Variants in PTPRN2 observed in about 807,000 individuals in gnomAD.
The protein encoded by PTPRN2 is receptor-type tyrosine-protein phosphatase N2.
Under a neutral mutation model 118.8 loss-of-function variants are expected in PTPRN2, and 74 were observed. The ratio of observed to expected loss-of-function variants is 0.62; its 90% confidence interval spans 0.52 to 0.76. The LOEUF is 0.76. Ranked by LOEUF, PTPRN2 falls within the 30% of genes least tolerant of loss-of-function variation. The probability of loss-of-function intolerance (pLI) is 0.00; values close to 1 mark genes in which losing one functional copy is unlikely to be tolerated. For synonymous variants in PTPRN2, 641 were observed against 608.0 expected (o/e 1.05, Z -0.80); for missense variants, 1,481 against 1,394.4 (o/e 1.06, Z -0.99).
In PTPRN2 at chr7:157,787,689, C is replaced by T. The variant is rs188243930; in HGVS notation, c.1789-104752G>A. On this transcript the variant is annotated intron_variant, in intron 12 of 22. Coordinates refer to ENST00000389418, the MANE Select transcript of PTPRN2 (RefSeq NM_002847.5). This position sits in a 1 kb window ranked among gnomAD's most constrained non-coding sequence, Gnocchi z 5.3. ...CCCTGAACACCTGCTCTGTGGGAGA[C>T]GGGGTGGTGTTTGAGCTGGTGCCAT... Among the ~76,000 whole-genome samples, 150 of 152,248 alleles carry T rather than the reference C, an allele frequency of 9.9e-4. 2 individuals carry two copies. The highest frequency in any genetic ancestry group is 7.1e-3 in the Admixed American group (108 of 15,302).
At chr7:157,768,970 T>C (rs1438543903) in intron 12 of PTPRN2, among the ~76,000 whole-genome samples, 1 of 152,186 alleles carries the variant, frequency 6.6e-6, no homozygotes, top group Non-Finnish European at 1.5e-5. Flanking sequence ...AACACATAAT[T>C]ACTGTCACCG....
intron 1 of PTPRN2, among the ~76,000 whole-genome samples, chr7:158,569,436 C>T (rs1305749516): frequency 2.0e-5 from 3 of 152,274 alleles, no homozygotes; most frequent in East Asian, 3.9e-4. Context: ...GGACGAGACT[C>T]CCTGACACCC....
intron 10 of PTPRN2, among the ~76,000 whole-genome samples, chr7:158,094,561 CCTCCCAAACTGCT>C (rs1412823754): frequency 2.0e-5 from 3 of 152,186 alleles, no homozygotes; most frequent in African/African-American, 7.2e-5. Context: ...CCCACCTCGG[CCTCCCAAACTGCT>C]GGGATTACAG....
chr7:157,930,165 G>A lies in PTPRN2; in HGVS notation c.1724-31428C>T, dbSNP rs193161430. 4.9e-3 allele frequency among the ~76,000 whole-genome samples: 741 copies of A among 152,316 alleles called. 7 individuals carry two copies. The highest frequency in any genetic ancestry group is 0.017 in the African/African-American group (716 of 41,564). On this transcript the variant is annotated intron_variant, in intron 11 of 22. Coordinates refer to ENST00000389418, the MANE Select transcript of PTPRN2 (RefSeq NM_002847.5). Reference sequence around the variant, plus strand: ...GATAGCACGAGGCCCACAGAGGGGTGTCTTGGGGCACCTGGCAGGTTCCAG... The same window carrying A: ...GATAGCACGAGGCCCACAGAGGGGTATCTTGGGGCACCTGGCAGGTTCCAG...
rs1354073319 is a variant in PTPRN2 at position 157,619,706 on chromosome 7, G to A, written c.2344+1656C>T. On this transcript the variant is annotated intron_variant, in intron 15 of 22. Transcript: ENST00000389418. The surrounding 1 kb of genome is among the most constrained non-coding windows in gnomAD (Gnocchi z 5.3). ...GCTGGGTGAATGGGATTTTACACAG[G>A]TCTGCAGTGCCCCAGGTTAGTTTCT... is the stretch of plus-strand genomic sequence containing the variant. Among the ~76,000 whole-genome samples the A allele has an allele frequency of 6.6e-6, 1 of 152,178 alleles. No homozygotes were observed. The highest frequency in any genetic ancestry group is 6.5e-5 in the Admixed American group (1 of 15,288).
intron 12 of PTPRN2, among the ~76,000 whole-genome samples, chr7:157,824,733 C>T (rs917996750): frequency 6.6e-6 from 1 of 152,164 alleles, no homozygotes; most frequent in Non-Finnish European, 1.5e-5. Flanking sequence ...GGGTGTGAAC[C>T]TGGATGCTAC....
At chr7:157,799,862 C>CTA (rs1157225453) in intron 12 of PTPRN2, among the ~76,000 whole-genome samples, 4 of 130,198 alleles carry the variant, frequency 3.1e-5, no homozygotes, top group Admixed American at 7.3e-5. Flanking sequence ...CACAGCCGGC[C>CTA]CCCTCCATCC....
chr7:158,178,630 G>C (rs573445095), intron 5 of PTPRN2, among the ~76,000 whole-genome samples: 264 of 103,940 alleles, frequency 2.5e-3, no homozygotes, highest in Non-Finnish European at 4.0e-3. Context: ...ATGGAGTCTT[G>C]CTCTGTTGCC....
rs560139054 is a variant in PTPRN2 at position 158,166,630 on chromosome 7, T to C, written c.910+301A>G. On this transcript the variant is annotated intron_variant, in intron 6 of 22. Transcript: ENST00000389418. ...TCACCTCCCCTCCCACTGGCCGCTG[T>C]GTTCACTGTCCTCACACCCTCAGCA... Among the ~76,000 whole-genome samples the C allele has an allele frequency of 3.2e-3, 463 of 145,116 alleles. 21 individuals are homozygous for C. In the East Asian group the frequency reaches 0.087, roughly 27 times the overall value.
chr7:158,270,875 TC>T (rs1321635888), intron 3 of PTPRN2, among the ~76,000 whole-genome samples: 3 of 9,592 alleles, frequency 3.1e-4, no homozygotes, highest in Non-Finnish European at 3.8e-4. Context: ...GACCGCCCCC[TC>T]CACCTGGATG....
intron 12 of PTPRN2, among the ~76,000 whole-genome samples, chr7:157,867,650 C>A (rs1308269982): frequency 3.9e-5 from 6 of 152,146 alleles, no homozygotes; most frequent in Non-Finnish European, 8.8e-5. Flanking sequence ...AAGGGTGACA[C>A]CAGAGGCAAA....
intron 2 of PTPRN2, among the ~76,000 whole-genome samples, chr7:158,374,206 A>C (rs570807611): frequency 6.6e-6 from 1 of 152,278 alleles, no homozygotes; most frequent in East Asian, 1.9e-4. Flanking sequence ...GCAGCAGTGA[A>C]GGGGAAGAGC....
At chr7:157,685,375 A>G (rs1007026511) in intron 12 of PTPRN2, among the ~76,000 whole-genome samples, 1 of 151,252 alleles carries the variant, frequency 6.6e-6, no homozygotes, top group African/African-American at 2.4e-5. Context: ...CGCGGTGACC[A>G]CCCTGGTTCT....
At chr7:157,552,785 A>C (rs959135993) in intron 21 of PTPRN2, among the ~76,000 whole-genome samples, 1 of 152,246 alleles carries the variant, frequency 6.6e-6, no homozygotes, top group Non-Finnish European at 1.5e-5. Flanking sequence ...TACAGTGCTG[A>C]GGTGTGGGTT....
At chr7:158,366,309 G>A (rs1448441932) in intron 2 of PTPRN2, among the ~76,000 whole-genome samples, 4 of 128,816 alleles carry the variant, frequency 3.1e-5, no homozygotes, top group African/African-American at 9.1e-5. Context: ...CCCAATGCAC[G>A]TGTGCAAATG....
At position 157,794,414 on chromosome 7, in the gene PTPRN2, G is replaced by A. The variant is rs62476418; in HGVS notation, c.1788+104259C>T. Reference sequence around the variant, plus strand: ...GGGCAGTGCGGTGACCAATTATAGCGTCGACGATGGCAGCTTCCCTCTGAA... The same window carrying A: ...GGGCAGTGCGGTGACCAATTATAGCATCGACGATGGCAGCTTCCCTCTGAA... On this transcript the variant is annotated intron_variant, in intron 12 of 22. Transcript: ENST00000389418. This position sits in a 1 kb window ranked among gnomAD's most constrained non-coding sequence, Gnocchi z 5.2. 9.2e-5 allele frequency among the ~76,000 whole-genome samples: 14 copies of A among 152,324 alleles called. No individual in the cohort carries two copies. The highest frequency in any genetic ancestry group is 1.5e-4 in the Non-Finnish European group (10 of 68,034).
chr7:158,095,648 C>A (rs183449281), intron 10 of PTPRN2, among the ~76,000 whole-genome samples: 166 of 152,258 alleles, frequency 1.1e-3, no homozygotes, highest in African/African-American at 3.6e-3. Context: ...CAAATAAGCC[C>A]CTGTTATGGG....
Position 158,022,949 on chromosome 7 carries a change from C to T in PTPRN2, c.1723+58349G>A, listed in dbSNP as rs891680923. ...CTGCAGGGGATGGCAAGAGCAGGGT[C>T]GCCCTGGTGAGTCTGAACTCTGTGC... On this transcript the variant is annotated intron_variant, in intron 11 of 22. Coordinates refer to ENST00000389418, the MANE Select transcript of PTPRN2 (RefSeq NM_002847.5). This position sits in a 1 kb window ranked among gnomAD's most constrained non-coding sequence, Gnocchi z 4.6. Among the ~76,000 whole-genome samples, 3 of 152,236 alleles carry T rather than the reference C, an allele frequency of 2.0e-5. No individual in the cohort carries two copies. Among genetic ancestry groups the T allele is most frequent in the Admixed American group, 1.3e-4 (2 of 15,284 alleles).
chr7:157,610,615 C>G lies in PTPRN2; in HGVS notation c.2345-6540G>C, dbSNP rs532913089. On this transcript the variant is annotated intron_variant, in intron 15 of 22. Transcript: ENST00000389418. The surrounding 1 kb of genome is among the most constrained non-coding windows in gnomAD (Gnocchi z 5.1). The stretch of plus-strand genomic sequence containing the variant: ...CGTCAGTGCTGCTTAGGGATCCCAG[C>G]GGCTCACACACAGAAAGGCCTTTGA... 6.6e-6 allele frequency among the ~76,000 whole-genome samples: 1 copy of G among 152,142 alleles called. No homozygotes were observed. Among genetic ancestry groups the G allele is most frequent in the African/African-American group, 2.4e-5 (1 of 41,420 alleles).
Sources: gnomAD v4.1 joint callset for allele counts (sites outside exome capture counted in the v4.1 genomes callset) on GRCh38, gnomAD v4.1.1 for gene constraint, Gnocchi (gnomAD v3.1) non-coding constraint, MANE v1.5 for transcripts, NCBI Gene and HGNC (gene_info 2026-07-23, HGNC 2026-07-21) for gene names.